PCDH11X: variants seen among roughly 807,000 people sequenced by gnomAD.
The protein encoded by PCDH11X is protocadherin-11 X-linked.
A neutral mutation model predicts 53.3 loss-of-function variants in PCDH11X; 18 were observed. The ratio of observed to expected loss-of-function variants is 0.34; its 90% CI spans 0.23 to 0.50. The LOEUF is 0.50. Among genes scored for constraint, PCDH11X ranks in the 20% least tolerant of loss-of-function variants. The probability of loss-of-function intolerance (pLI) is 0.98; values close to 1 mark genes in which losing one functional copy is unlikely to be tolerated. For missense variants in PCDH11X, 570 were observed against 1,032.4 expected (o/e 0.55, Z 6.14); for synonymous variants, 279 against 393.3 (o/e 0.71, Z 3.44).
chrX:92,319,665 C>T (rs915949917), intron 8 of PCDH11X, among the ~76,000 whole-genome samples: 3 of 110,492 alleles, frequency 2.7e-5, no homozygotes, highest in African/African-American at 9.9e-5. Context: ...AGCCTGCCTT[C>T]ATTATCTTCT....
At chrX:92,412,756 T>TTTC (rs977783188) in intron 9 of PCDH11X, among the ~76,000 whole-genome samples, 1 of 107,742 alleles carries the variant, frequency 9.3e-6, no homozygotes, top group African/African-American at 3.4e-5. Flanking sequence ...ATTATCAATT[T>TTTC]TTCTTATGTT....
At chrX:92,070,262 C>T in intron 6 of PCDH11X, among the ~76,000 whole-genome samples, 1 of 111,136 alleles carries the variant, frequency 9.0e-6, no homozygotes, top group Admixed American at 9.6e-5. Context: ...TATTAATATT[C>T]CCCATGAGTT....
chrX:92,403,335 TTTTG>T (rs1288828892), intron 9 of PCDH11X, among the ~76,000 whole-genome samples: 9 of 76,016 alleles, frequency 1.2e-4, no homozygotes, highest in East Asian at 1.7e-3. Context: ...TTACGTTTTT[TTTTG>T]TTTTTTTTTT....
intron 6 of PCDH11X, among the ~76,000 whole-genome samples, chrX:92,094,756 C>T (rs1048047756): frequency 9.0e-6 from 1 of 111,563 alleles, no homozygotes; most frequent in Non-Finnish European, 1.9e-5. Flanking sequence ...GCTATGCCAT[C>T]ATGAATACCT....
chrX:92,233,110 C>A (rs2067111393), intron 7 of PCDH11X, among the ~76,000 whole-genome samples: 1 of 101,722 alleles, frequency 9.8e-6, no homozygotes, highest in South Asian at 5.0e-4. Flanking sequence ...ATCCTAAACC[C>A]TACCTAATGC....
At chrX:92,423,755 G>A (rs1258062220) in intron 9 of PCDH11X, among the ~76,000 whole-genome samples, 2 of 96,553 alleles carry the variant, frequency 2.1e-5, no homozygotes, top group Non-Finnish European at 4.6e-5. Context: ...GTATACTTTC[G>A]CCACTTTATG....
intron 8 of PCDH11X, among the ~76,000 whole-genome samples, chrX:92,338,416 G>A (rs1458946525): frequency 4.5e-5 from 5 of 110,861 alleles, no homozygotes; most frequent in Non-Finnish European, 9.4e-5. Context: ...CCTGGAGACT[G>A]AGACAAGGCT....
At chrX:92,056,326 G>T (rs1221655023) in intron 6 of PCDH11X, among the ~76,000 whole-genome samples, 2 of 111,574 alleles carry the variant, frequency 1.8e-5, no homozygotes, top group Non-Finnish European at 3.8e-5. Context: ...CTGCATGTAT[G>T]TCTTCTTTTG....
chrX:91,972,718 T>C (rs1268763515), intron 6 of PCDH11X, among the ~76,000 whole-genome samples: 1 of 108,508 alleles, frequency 9.2e-6, no homozygotes, highest in Non-Finnish European at 1.9e-5. Context: ...CCTTTCCCCA[T>C]TGCTTGTTTT....
At chrX:92,577,319 T>G (rs1923102331) in intron 10 of PCDH11X, among the ~76,000 whole-genome samples, 1 of 109,271 alleles carries the variant, frequency 9.2e-6, no homozygotes, top group African/African-American at 3.3e-5. Flanking sequence ...TAGATTTTTC[T>G]AGTTTATGTG....
At chrX:91,936,581 A>G (rs978695132) in intron 6 of PCDH11X, among the ~76,000 whole-genome samples, 7 of 106,583 alleles carry the variant, frequency 6.6e-5, no homozygotes, top group Admixed American at 6.2e-4. Flanking sequence ...ATAGTATAAT[A>G]TAGTTGAGAA....
chrX:92,034,830 A>G (rs1032026236), intron 6 of PCDH11X, among the ~76,000 whole-genome samples: 1 of 106,293 alleles, frequency 9.4e-6, no homozygotes, highest in Non-Finnish European at 1.9e-5. Context: ...CCTTTTCTTC[A>G]TCCTTCCTGT....
At chrX:92,378,281 G>A (rs1377296071) in intron 8 of PCDH11X, among the ~76,000 whole-genome samples, 14 of 108,226 alleles carry the variant, frequency 1.3e-4, no homozygotes, top group Admixed American at 2.0e-4. Context: ...TGAGTGTCAG[G>A]GTAAGAGATG....
intron 6 of PCDH11X, among the ~76,000 whole-genome samples, chrX:91,988,934 A>G (rs911274321): frequency 9.0e-6 from 1 of 111,608 alleles, no homozygotes; most frequent in African/African-American, 3.3e-5. Flanking sequence ...TATCCATTTC[A>G]CAGGGAACCA....
At chrX:92,030,401 T>A (rs1272594042) in intron 6 of PCDH11X, among the ~76,000 whole-genome samples, 1 of 109,332 alleles carries the variant, frequency 9.1e-6, no homozygotes, top group Non-Finnish European at 1.9e-5. Flanking sequence ...ATGAGGTAGA[T>A]GAGATACTTT....
chrX:92,361,005 A>T (rs1222316510), intron 8 of PCDH11X, among the ~76,000 whole-genome samples: 1 of 109,339 alleles, frequency 9.1e-6, no homozygotes, highest in East Asian at 2.9e-4. Context: ...TTATCCAAAG[A>T]AGCTGATTTA....
intron 6 of PCDH11X, among the ~76,000 whole-genome samples, chrX:91,994,555 C>T (rs1198043013): frequency 2.1e-5 from 2 of 93,373 alleles, no homozygotes; most frequent in Non-Finnish European, 4.2e-5. Flanking sequence ...TATTGATGGA[C>T]ACTTAGGTTG....
At chrX:92,571,760 C>T (rs1271997654) in intron 10 of PCDH11X, among the ~76,000 whole-genome samples, 1 of 110,611 alleles carries the variant, frequency 9.0e-6, no homozygotes, top group Non-Finnish European at 1.9e-5. Flanking sequence ...TTATTGCAAG[C>T]TTCAACAGTT....
intron 6 of PCDH11X, among the ~76,000 whole-genome samples, chrX:91,898,754 G>T (rs1451373422): frequency 9.4e-6 from 1 of 106,335 alleles, no homozygotes; most frequent in Non-Finnish European, 1.9e-5. Context: ...TGTAACAACT[G>T]TATGAAATGG....
Sources: allele counts gnomAD v4.1 joint callset (sites outside exome capture counted in the v4.1 genomes callset), GRCh38; gene constraint gnomAD v4.1.1; transcripts MANE v1.5; gene names NCBI Gene and HGNC (gene_info 2026-07-23, HGNC 2026-07-21).